Variants in TENM3 observed in about 807,000 individuals in gnomAD.
TENM3 encodes the protein teneurin transmembrane protein 3.
A neutral mutation model predicts 255.1 loss-of-function variants in TENM3; 63 were observed. The ratio of observed to expected loss-of-function variants is 0.25; its 90% confidence interval spans 0.20 to 0.30. TENM3 has a LOEUF of 0.30. Ranked by LOEUF, TENM3 falls within the 10% of genes least tolerant of loss-of-function variation. The probability of loss-of-function intolerance (pLI) is 1.00; values close to 1 mark genes in which losing one functional copy is unlikely to be tolerated. For missense variants in TENM3, 2,929 were observed against 3,461.1 expected (o/e 0.85, Z 3.86); for synonymous variants, 1,306 against 1,322.3 (o/e 0.99, Z 0.27).
chr4:182,626,572 C>T (rs1021043200), intron 4 of TENM3, among the ~76,000 whole-genome samples: 10 of 152,122 alleles, frequency 6.6e-5, no homozygotes, highest in Non-Finnish European at 1.5e-4. Flanking sequence ...GTAACTTACC[C>T]ACCATCTTGC....
the TENM3 span, among the ~76,000 whole-genome samples, chr4:181,934,076 G>GTA: frequency 1.0e-5 from 1 of 98,872 alleles, no homozygotes; most frequent in Non-Finnish European, 2.2e-5. Context: ...GTGTGTGTGT[G>GTA]CGCGCGCTTT....
chr4:181,563,631 T>A, the TENM3 span, among the ~76,000 whole-genome samples: 1 of 152,226 alleles, frequency 6.6e-6, no homozygotes, highest in Non-Finnish European at 1.5e-5. Context: ...TCATTTATCT[T>A]GAATTTATTT....
intron 1 of TENM3, among the ~76,000 whole-genome samples, chr4:182,231,445 A>G (rs971639576): frequency 3.9e-5 from 6 of 152,212 alleles, no homozygotes; most frequent in Non-Finnish European, 1.5e-5. Flanking sequence ...TATTATAAAT[A>G]TGGGCCAGCC....
At chr4:181,818,820 C>A in the TENM3 span, among the ~76,000 whole-genome samples, 1 of 152,126 alleles carries the variant, frequency 6.6e-6, no homozygotes, top group Non-Finnish European at 1.5e-5. Flanking sequence ...CCAGGCTAGT[C>A]TCAAACTCCT....
the TENM3 span, among the ~76,000 whole-genome samples, chr4:181,884,479 C>G: frequency 2.0e-5 from 3 of 152,050 alleles, no homozygotes; most frequent in Non-Finnish European, 4.4e-5. Context: ...GTCCGCAGTC[C>G]CAAGTAACCT....
chr4:181,480,155 A>G, the TENM3 span, among the ~76,000 whole-genome samples: 1 of 128,042 alleles, frequency 7.8e-6, no homozygotes, highest in South Asian at 2.5e-4. Context: ...CTGAGTTGCT[A>G]AGGATCCTAC....
At chr4:182,433,341 A>C (rs1771804244) in intron 3 of TENM3, among the ~76,000 whole-genome samples, 1 of 152,206 alleles carries the variant, frequency 6.6e-6, no homozygotes, top group Non-Finnish European at 1.5e-5. Flanking sequence ...TCAGCTTTAC[A>C]ATAGGTGCTT....
At chr4:181,492,167 A>T in the TENM3 span, among the ~76,000 whole-genome samples, 1 of 152,216 alleles carries the variant, frequency 6.6e-6, no homozygotes, top group Non-Finnish European at 1.5e-5. Context: ...TTGTGCATTT[A>T]TGCACGTGAG....
chr4:182,124,256 T>G, the TENM3 span, among the ~76,000 whole-genome samples: 4 of 152,144 alleles, frequency 2.6e-5, no homozygotes, highest in Admixed American at 6.5e-5. Context: ...TTCACCATAT[T>G]GGTCAGGCTG....
the TENM3 span, among the ~76,000 whole-genome samples, chr4:181,528,974 G>T: frequency 6.6e-6 from 1 of 152,176 alleles, no homozygotes; most frequent in East Asian, 1.9e-4. Flanking sequence ...AACAGTATAT[G>T]AGTAGCATAA....
the TENM3 span, among the ~76,000 whole-genome samples, chr4:181,844,879 C>G: frequency 1.1e-4 from 16 of 152,174 alleles, no homozygotes; most frequent in Non-Finnish European, 2.2e-4. Context: ...CTGCTGCTAA[C>G]AGTTGTACTC....
chr4:181,572,753 C>T, the TENM3 span, among the ~76,000 whole-genome samples: 2 of 152,294 alleles, frequency 1.3e-5, no homozygotes, highest in East Asian at 1.9e-4. Flanking sequence ...TCCAGTTATA[C>T]TCTTTTAGTT....
At chr4:181,883,126 C>CTTTTTTTGTTTTTTT in the TENM3 span, among the ~76,000 whole-genome samples, 1 of 106,690 alleles carries the variant, frequency 9.4e-6, no homozygotes, top group Non-Finnish European at 1.9e-5. Context: ...TGCAATTAAT[C>CTTTTTTTGTTTTTTT]TTTTTTTTTT....
rs189819596 is a variant in TENM3, at chr4:182,217,894, G to T, written c.-76+73140G>T. Among the ~76,000 whole-genome samples, 6 of 152,322 alleles carry T rather than the reference G, an allele frequency of 3.9e-5. No individual in the cohort carries two copies. In the East Asian group the frequency reaches 9.6e-4, roughly 24 times the overall value. On this transcript the variant is annotated intron_variant, in intron 1 of 2. Coordinates refer to the TENM3 transcript ENST00000512480. ...AGGTATTCTGCCTAACAGAAGGAAA[G>T]ATTTCAATTAAATGTGGAAAGCCTA...
At chr4:182,722,534 G>T (rs555495709) in intron 13 of TENM3, among the ~76,000 whole-genome samples, 1 of 151,950 alleles carries the variant, frequency 6.6e-6, no homozygotes, top group Non-Finnish European at 1.5e-5. Context: ...TGAAGGAATT[G>T]AGGGCTATGT....
chr4:181,693,246 C>T, the TENM3 span, among the ~76,000 whole-genome samples: 4 of 152,150 alleles, frequency 2.6e-5, no homozygotes, highest in African/African-American at 9.7e-5. Context: ...GCTAAATAGC[C>T]CATTGTACAT....
At chr4:182,700,904 T>C (rs1053707431) in intron 12 of TENM3, among the ~76,000 whole-genome samples, 6 of 152,140 alleles carry the variant, frequency 3.9e-5, no homozygotes, top group Admixed American at 1.3e-4. Context: ...TTGTTCTGAT[T>C]TGTCAACACC....
In TENM3 at chr4:182,514,478, A is replaced by C. The variant is rs184588184; in HGVS notation, c.512-86446A>C. Among the ~76,000 whole-genome samples, 211 of 152,346 alleles carry C rather than the reference A, an allele frequency of 1.4e-3. 7 individuals are homozygous for C. Among genetic ancestry groups the C allele is most frequent in the Non-Finnish European group, 4.0e-4 (27 of 68,042 alleles). The stretch of plus-strand genomic sequence containing the variant: ...ATCCATGTAGAAATATCTAGTGAGC[A>C]GTTATGAAGATGTGTCCTGAACAGT... On this transcript the variant is annotated intron_variant, in intron 3 of 27. Coordinates refer to ENST00000511685, the MANE Select transcript of TENM3 (RefSeq NM_001080477.4).
chr4:182,706,128 A>T (rs1304170276), intron 12 of TENM3, among the ~76,000 whole-genome samples: 1 of 152,176 alleles, frequency 6.6e-6, no homozygotes, highest in African/African-American at 2.4e-5. Flanking sequence ...TAAACAGATG[A>T]TGCTTCTAGT....
Sources: gnomAD v4.1 joint callset for allele counts (sites outside exome capture counted in the v4.1 genomes callset) on GRCh38, gnomAD v4.1.1 for gene constraint, MANE v1.5 for transcripts, NCBI Gene and HGNC (gene_info 2026-07-23, HGNC 2026-07-21) for gene names.